ADAMTSL3: variants seen among roughly 807,000 people sequenced by gnomAD.
ADAMTSL3 encodes ADAMTS like 3, also known as ADAMTS-like protein 3.
A neutral mutation model predicts 201.7 loss-of-function variants in ADAMTSL3; 128 were observed. The ratio of observed to expected loss-of-function variants is 0.63; its 90% CI spans 0.55 to 0.73. The LOEUF (loss-of-function observed/expected upper bound fraction) is 0.73, where lower values mean the gene tolerates loss of function less well. Ranked by LOEUF, ADAMTSL3 falls within the 30% of genes least tolerant of loss-of-function variation. The pLI is 0.00. For missense variants in ADAMTSL3, 1,990 were observed against 2,119.6 expected (o/e 0.94, Z 1.20); for synonymous variants, 738 against 748.4 (o/e 0.99, Z 0.23).
intron 5 of ADAMTSL3, among the ~76,000 whole-genome samples, chr15:83,810,730 T>C (rs983566505): frequency 6.6e-6 from 1 of 152,106 alleles, no homozygotes; most frequent in Non-Finnish European, 1.5e-5. Context: ...TGTTTGAACA[T>C]TTTTCTTTTT....
At chr15:83,821,614 C>G (rs1335918073) in intron 6 of ADAMTSL3, among the ~76,000 whole-genome samples, 1 of 151,596 alleles carries the variant, frequency 6.6e-6, no homozygotes, top group Non-Finnish European at 1.5e-5. Context: ...TAGTACAGAA[C>G]AAAATGAAAA....
intron 28 of ADAMTSL3, among the ~76,000 whole-genome samples, chr15:84,031,943 G>A (rs1321599768): frequency 6.6e-6 from 1 of 152,180 alleles, no homozygotes; most frequent in Non-Finnish European, 1.5e-5. Context: ...GTCTGAGCTG[G>A]TAGATGGTTT....
At chr15:83,662,925 T>C (rs1287671165) in intron 2 of ADAMTSL3, among the ~76,000 whole-genome samples, 1 of 152,212 alleles carries the variant, frequency 6.6e-6, no homozygotes, top group East Asian at 1.9e-4. Flanking sequence ...CCCTCTGCCC[T>C]CTGGGTAGCA....
chr15:83,979,923 C>T (rs553756143), intron 20 of ADAMTSL3, among the ~76,000 whole-genome samples: 1 of 152,226 alleles, frequency 6.6e-6, no homozygotes, highest in African/African-American at 2.4e-5. Context: ...TAATGGTCCT[C>T]GAACTTTGCT....
intron 3 of ADAMTSL3, among the ~76,000 whole-genome samples, chr15:83,763,411 ATT>A (rs553492637): frequency 5.6e-5 from 8 of 141,790 alleles, no homozygotes; most frequent in Admixed American, 7.1e-5. Flanking sequence ...AGAAATCTAG[ATT>A]TTTTTTTTTT....
At position 83,858,734 on chromosome 15, in the gene ADAMTSL3, T is replaced by G. The variant is rs759780317; in HGVS notation, c.728-32T>G. 5 of 1,576,076 alleles carry G rather than the reference T, an allele frequency of 3.2e-6. No homozygotes were observed. In the African/African-American group the frequency reaches 6.8e-5, roughly 21 times the overall value. On this transcript the variant is annotated intron_variant, in intron 7 of 29. Coordinates refer to ENST00000286744, the MANE Select transcript of ADAMTSL3 (RefSeq NM_207517.3). ...TTTTCATGGGCCTTTAGTGTACTGG[T>G]TTTATTGCAGTTGCGTTCTGTTCTT... is the stretch of plus-strand genomic sequence containing the variant.
At chr15:83,896,466 C>G (rs745439173) in intron 13 of ADAMTSL3, among the ~76,000 whole-genome samples, 1 of 152,046 alleles carries the variant, frequency 6.6e-6, no homozygotes, top group Non-Finnish European at 1.5e-5. Context: ...ACATTGTGAA[C>G]TCTGGACTTG....
At chr15:83,869,986 A>T (rs1387622826) in intron 8 of ADAMTSL3, among the ~76,000 whole-genome samples, 1 of 152,198 alleles carries the variant, frequency 6.6e-6, no homozygotes, top group Non-Finnish European at 1.5e-5. Context: ...GTGTGGTGAC[A>T]CTTAGAAAAT....
chr15:83,713,478 G>A (rs1256080085), intron 3 of ADAMTSL3, among the ~76,000 whole-genome samples: 1 of 152,164 alleles, frequency 6.6e-6, no homozygotes, highest in Non-Finnish European at 1.5e-5. Flanking sequence ...CTATAAGAAT[G>A]GGGAGTAATG....
At chr15:83,761,028 T>G (rs962605131) in intron 3 of ADAMTSL3, among the ~76,000 whole-genome samples, 1 of 152,172 alleles carries the variant, frequency 6.6e-6, no homozygotes, top group African/African-American at 2.4e-5. Flanking sequence ...TCTGCCTACA[T>G]TCCTTTTTCT....
chr15:83,698,844 C>A (rs952165434), intron 2 of ADAMTSL3, among the ~76,000 whole-genome samples: 2 of 151,978 alleles, frequency 1.3e-5, no homozygotes, highest in East Asian at 3.9e-4. Context: ...ACTTCTCTGG[C>A]CTCATCTTCC....
At chr15:83,679,604 G>A (rs1051624895) in intron 2 of ADAMTSL3, among the ~76,000 whole-genome samples, 4 of 152,040 alleles carry the variant, frequency 2.6e-5, no homozygotes, top group Non-Finnish European at 5.9e-5. Context: ...CACATGCAGT[G>A]GTATTCCACA....
At chr15:83,789,211 A>G (rs567328094) in intron 4 of ADAMTSL3, among the ~76,000 whole-genome samples, 1 of 152,226 alleles carries the variant, frequency 6.6e-6, no homozygotes, top group African/African-American at 2.4e-5. Context: ...ATTTATCTAA[A>G]TTTATTTTTT....
rs199692814 is a variant in ADAMTSL3, at chr15:83,971,574, AAAAG to A, written c.2644+949_2644+952del. The stretch of plus-strand genomic sequence containing the variant: ...ACTCTGTCTCAAAAAAAAAAAAAAA[AAAAG>A]AAAGAAAGAAAAAAAGAGTTGTGTG... On this transcript the variant is annotated intron_variant, in intron 20 of 29. Coordinates refer to ENST00000286744, the MANE Select transcript of ADAMTSL3 (RefSeq NM_207517.3). 3.7e-3 allele frequency among the ~76,000 whole-genome samples: 526 copies of A among 140,364 alleles called. 1 individual carries two copies. Among genetic ancestry groups the A allele is most frequent in the Middle Eastern group, 0.011 (3 of 266 alleles). The allele number at this position is 140,364 out of a possible 152,430, so 92.1% of individuals were successfully genotyped here.
chr15:83,873,076 G>A (rs1206194272), intron 9 of ADAMTSL3, among the ~76,000 whole-genome samples: 21 of 144,916 alleles, frequency 1.4e-4, no homozygotes, highest in Admixed American at 1.4e-3. Flanking sequence ...AGGCCAAGGC[G>A]GGTGGATCAC....
intron 7 of ADAMTSL3, among the ~76,000 whole-genome samples, chr15:83,855,530 A>G (rs1244737583): frequency 6.6e-6 from 1 of 152,140 alleles, no homozygotes; most frequent in East Asian, 1.9e-4. Context: ...GCATTGAAGG[A>G]GCTCCAAACC....
At chr15:83,840,383 C>T (rs918583497) in intron 7 of ADAMTSL3, among the ~76,000 whole-genome samples, 9 of 152,132 alleles carry the variant, frequency 5.9e-5, no homozygotes, top group Admixed American at 3.3e-4. Context: ...GAACTTCAGG[C>T]TGAAATCAAA....
At chr15:83,890,409 G>A (rs1246021033) in intron 11 of ADAMTSL3, among the ~76,000 whole-genome samples, 162 bp downstream of exon 11, 1 of 152,194 alleles carries the variant, frequency 6.6e-6, no homozygotes, top group African/African-American at 2.4e-5. Flanking sequence ...ATAGGAATTA[G>A]GACACATTCA....
At chr15:84,004,841 G>A (rs902068818) in intron 23 of ADAMTSL3, among the ~76,000 whole-genome samples, 2 of 152,234 alleles carry the variant, frequency 1.3e-5, no homozygotes, top group African/African-American at 4.8e-5. Flanking sequence ...CAAATGATCT[G>A]CAATGGCGAG....
Sources: allele counts gnomAD v4.1 joint callset (sites outside exome capture counted in the v4.1 genomes callset), GRCh38; gene constraint gnomAD v4.1.1; transcripts MANE v1.5; gene names NCBI Gene and HGNC (gene_info 2026-07-23, HGNC 2026-07-21).